PNPLA7: variants seen among roughly 807,000 people sequenced by gnomAD.
The protein encoded by PNPLA7 is patatin like domain 7, lysophospholipase.
A neutral mutation model predicts 161.7 loss-of-function variants in PNPLA7; 153 were observed. The observed-to-expected ratio is 0.95, with a 90% CI of 0.83 to 1.08. The LOEUF is 1.08. PNPLA7 is among the 50% of genes least tolerant of loss of function. The probability of loss-of-function intolerance (pLI) is 0.00; values close to 1 mark genes in which losing one functional copy is unlikely to be tolerated. For missense variants in PNPLA7, 1,739 were observed against 1,856.6 expected, an observed-to-expected ratio of 0.94 and a Z score of 1.16; for synonymous variants, 809 against 782.1, an observed-to-expected ratio of 1.03 and a Z score of -0.57.
At position 137,486,668 on chromosome 9, in the gene PNPLA7, T is replaced by TC. The variant is rs1832500826; in HGVS notation, c.2198-1933dup. Among the ~76,000 whole-genome samples, 1 of 151,870 alleles carries TC rather than the reference T, an allele frequency of 6.6e-6. No homozygotes were observed. Among genetic ancestry groups the TC allele is most frequent in the African/African-American group, 2.4e-5 (1 of 41,336 alleles). On this transcript the variant is annotated intron_variant, in intron 20 of 34. Transcript: ENST00000406427. This position sits in a 1 kb window ranked among gnomAD's most constrained non-coding sequence, Gnocchi z 6.0. The stretch of plus-strand genomic sequence containing the variant: ...ACCAAAGCTCAGTCCCCGCCCTCAG[T>TC]CCAACTCAGCACCGGGAGCCCTGGG...
At chr9:137,462,979 GC>G (rs1831292183) in intron 29 of PNPLA7, 146 bp from the exon 30 acceptor site, 5 of 1,125,878 alleles carry the variant, frequency 4.4e-6, no homozygotes, top group African/African-American at 1.6e-5. Context: ...AGACCCACAT[GC>G]CCAGCTCGAT....
In PNPLA7 at chr9:137,505,992, C is replaced by T; in HGVS notation, c.1317G>A (p.Val439=). 1 of 1,610,070 alleles carries T rather than the reference C, an allele frequency of 6.2e-7. No individual in the cohort carries two copies. Reference sequence around the variant, plus strand: ...GACAGCCAGGGCCTACCTTGCTGGCCACGGAGCTCCCGGGGTGCTCGTCCG... The same window carrying T: ...GACAGCCAGGGCCTACCTTGCTGGCTACGGAGCTCCCGGGGTGCTCGTCCG... ...LHSDEHPGSS[V]ASKSRKSVMV... is the part of the protein sequence containing the mutation. The change falls in exon 13 of 35, where the codon GTG becomes GTA. Residue 439 remains valine, a synonymous_variant. Transcript: ENST00000406427.
chr9:137,494,214 G>A (rs1425915607), intron 19 of PNPLA7, among the ~76,000 whole-genome samples: 1 of 152,094 alleles, frequency 6.6e-6, no homozygotes, highest in African/African-American at 2.4e-5. Flanking sequence ...GTCCTTCCTG[G>A]GCGCTCTCCT....
intron 33 of PNPLA7, chr9:137,461,192 C>T (rs1831174623): frequency 2.8e-6 from 1 of 351,318 alleles, no homozygotes; most frequent in African/African-American, 2.1e-5. Context: ...TGGACCCGCC[C>T]TTCTTGTCCT....
intron 23 of PNPLA7, chr9:137,479,747 G>C (rs949095027): frequency 1.0e-6 from 1 of 985,288 alleles, no homozygotes; most frequent in African/African-American, 1.7e-5. Flanking sequence ...CCGAGGCCTC[G>C]CCTGCAGCAA....
rs1046261215 is a variant in PNPLA7, at chr9:137,484,819, G to C, written c.2198-83C>G. ...AGATGCCCTGGGGCCCCCCGAGGCT[G>C]CACAGGAGCAACGCAGCAGCACCAG... On this transcript the variant is annotated intron_variant, in intron 20 of 34. Transcript: ENST00000406427. 9 of 1,448,266 alleles carry C rather than the reference G, an allele frequency of 6.2e-6. No homozygotes were observed. In the African/African-American group the frequency reaches 1.3e-4, roughly 21 times the overall value. 89.7% of individuals were successfully genotyped at this position (1,448,266 alleles called of 1,614,324 possible).
At chr9:137,525,326 G>T (rs1203799141) in intron 8 of PNPLA7, among the ~76,000 whole-genome samples, 3 of 152,232 alleles carry the variant, frequency 2.0e-5, no homozygotes, top group Non-Finnish European at 4.4e-5. Context: ...ACAAGACAAA[G>T]AGATGGAAGA....
chr9:137,539,161 T>C (rs996398395), intron 8 of PNPLA7, among the ~76,000 whole-genome samples: 8 of 151,834 alleles, frequency 5.3e-5, no homozygotes, highest in Non-Finnish European at 1.0e-4. Context: ...AGATCAGCCT[T>C]ACCAAGGCTG....
chr9:137,479,399 C>A, intron 23 of PNPLA7, 161 bp from the exon 24 acceptor site: 1 of 1,303,882 alleles, frequency 7.7e-7, no homozygotes, highest in Non-Finnish European at 9.7e-7. Flanking sequence ...TTGGCGCTGC[C>A]GAAGCTCTGA....
In PNPLA7 at chr9:137,515,499, C is replaced by G. The variant is rs749884782; in HGVS notation, c.1105G>C (p.Ala369Pro). ...CTCTTCAGCAGGGGCCCAGCAGCTG[C>G]CGGGCGGCCGCCCCCGTGATCTGCT... The part of the protein sequence containing the change: ...CDSDHGGGRP[A>P]AAGPLLKRSH... Residue 369 changes from alanine (A) to proline (P), a missense_variant, in exon 12 of 35, where the codon GCA becomes CCA. Transcript: ENST00000406427. 33 of 1,561,090 alleles carry G rather than the reference C, an allele frequency of 2.1e-5. No individual in the cohort carries two copies. Among genetic ancestry groups the G allele is most frequent in the Admixed American group, 4.0e-5 (2 of 49,968 alleles).
chr9:137,497,163 G>T, intron 18 of PNPLA7, 24 bp downstream of exon 18: 1 of 1,524,238 alleles, frequency 6.6e-7, no homozygotes, highest in Non-Finnish European at 8.8e-7. Context: ...GGTGGGGGAG[G>T]CAGGAGCAGG....
intron 8 of PNPLA7, among the ~76,000 whole-genome samples, chr9:137,538,603 G>T (rs1199000607): frequency 1.3e-5 from 2 of 152,224 alleles, no homozygotes; most frequent in Non-Finnish European, 2.9e-5. Context: ...AGCTAACAAT[G>T]AATGCAAAAG....
chr9:137,537,510 T>G lies in PNPLA7; in HGVS notation c.747+3132A>C, dbSNP rs1835956575. 6.6e-6 allele frequency among the ~76,000 whole-genome samples: 1 copy of G among 152,138 alleles called. No homozygotes were observed. Among genetic ancestry groups the G allele is most frequent in the Non-Finnish European group, 1.5e-5 (1 of 68,032 alleles). ...TTTTTGTATTTTTAGTAGGGATGGG[T>G]TTCACCATGTTGGCCAGGATGGTCT... On this transcript the variant is annotated intron_variant, in intron 8 of 34. Transcript: ENST00000406427. This position sits in a 1 kb window ranked among gnomAD's most constrained non-coding sequence, Gnocchi z 4.5.
intron 17 of PNPLA7, 150 bp downstream of exon 17, chr9:137,497,964 T>C: frequency 8.0e-7 from 1 of 1,242,290 alleles, no homozygotes; most frequent in East Asian, 2.4e-5. Flanking sequence ...CGAGCTAAGC[T>C]GGGGTGGGGC....
At chr9:137,539,355 CAAACAAACAAA>C (rs1345003034) in intron 8 of PNPLA7, among the ~76,000 whole-genome samples, 1 of 151,880 alleles carries the variant, frequency 6.6e-6, no homozygotes, top group Non-Finnish European at 1.5e-5. Flanking sequence ...AACAAACAAA[CAAACAAACAAA>C]AAACAAAAAA....
chr9:137,464,467 A>C lies in PNPLA7; in HGVS notation c.3040-11T>G, dbSNP rs777725081. 1.2e-5 allele frequency: 20 copies of C among 1,610,958 alleles called. No homozygotes were observed. The highest frequency in any genetic ancestry group is 2.5e-6 in the Non-Finnish European group (3 of 1,177,726). On this transcript the variant is annotated splice_polypyrimidine_tract_variant and intron_variant, in intron 26 of 34. Transcript: ENST00000406427. The stretch of plus-strand genomic sequence containing the variant: ...CAAGGACGTCATGCCCTGGGGCCAC[A>C]TGTGGAATTTACAGAAGGCTTCCAC...
chr9:137,496,614 G>A (rs1248873740), intron 18 of PNPLA7, among the ~76,000 whole-genome samples: 1 of 152,164 alleles, frequency 6.6e-6, no homozygotes, highest in Non-Finnish European at 1.5e-5. Flanking sequence ...CGGAGGCTGA[G>A]GCAGGAGAAT....
At chr9:137,471,399 G>T (rs907090963) in intron 25 of PNPLA7, among the ~76,000 whole-genome samples, 1 of 152,102 alleles carries the variant, frequency 6.6e-6, no homozygotes, top group Non-Finnish European at 1.5e-5. Flanking sequence ...AGGAGTTCAA[G>T]ACCAGCCTGG....
In PNPLA7 at chr9:137,494,381, G is replaced by A. The variant is rs578004628; in HGVS notation, c.2127+652C>T. 2.0e-4 allele frequency among the ~76,000 whole-genome samples: 31 copies of A among 152,148 alleles called. No homozygotes were observed. The East Asian group carries it at 5.0e-3, about 25-fold the overall frequency. On this transcript the variant is annotated intron_variant, in intron 19 of 34. Coordinates refer to ENST00000406427, the MANE Select transcript of PNPLA7 (RefSeq NM_001098537.3). ...GACTGTCCTGGGAAGCAGCCTGGGC[G>A]CCTCTCCAGGTTTCCTGCTCACCGT...
Sources: gnomAD v4.1 joint callset for allele counts (sites outside exome capture counted in the v4.1 genomes callset) on GRCh38, gnomAD v4.1.1 for gene constraint, Gnocchi (gnomAD v3.1) non-coding constraint, MANE v1.5 for transcripts, NCBI Gene and HGNC (gene_info 2026-07-23, HGNC 2026-07-21) for gene names.